SMYD3: variants seen among roughly 807,000 people sequenced by gnomAD.
The protein encoded by SMYD3 is SET and MYND domain containing 3, also known as histone-lysine N-methyltransferase SMYD3.
SMYD3 carries 36 observed loss-of-function variants against 57.7 expected under a neutral mutation model. That is an observed-to-expected ratio of 0.62 (90% CI 0.48 to 0.82). The LOEUF (loss-of-function observed/expected upper bound fraction) is 0.82, where lower values mean the gene tolerates loss of function less well. Ranked by LOEUF, SMYD3 falls within the 40% of genes least tolerant of loss-of-function variation. The probability of loss-of-function intolerance (pLI) is 0.00; values close to 1 mark genes in which losing one functional copy is unlikely to be tolerated. For synonymous variants in SMYD3, 211 were observed against 195.0 expected (o/e 1.08, Z -0.68); for missense variants, 515 against 538.8 (o/e 0.96, Z 0.44).
At chr1:246,224,015 T>C (rs2063292197) in intron 5 of SMYD3, among the ~76,000 whole-genome samples, 1 of 152,158 alleles carries the variant, frequency 6.6e-6, no homozygotes, top group Admixed American at 6.5e-5. Flanking sequence ...ATTCTTCTAT[T>C]TACAAGCATT....
chr1:246,507,130 G>A lies in SMYD3; in HGVS notation c.88C>T (p.Leu30Phe), dbSNP rs1327639808. 9.1e-6 allele frequency: 14 copies of A among 1,534,634 alleles called. 1 individual carries two copies. The Admixed American group carries it at 2.6e-4, about 29-fold the overall frequency. The change falls in exon 1 of 12, where the codon CTC (leucine) becomes TTC (phenylalanine). Residue 30 changes from leucine (L) to phenylalanine (F), a missense_variant. Coordinates refer to ENST00000490107, the MANE Select transcript of SMYD3 (RefSeq NM_001167740.2). ...AVTPLRPGEL[L>F]FRSDPLAYTV... ...TACGCCAAGGGATCCGAGCGGAAGA[G>A]TAGCTCTCCGGGGCGCAGCGGGGTC...
chr1:246,401,540 C>T (rs555651087), intron 1 of SMYD3, among the ~76,000 whole-genome samples: 6 of 151,800 alleles, frequency 4.0e-5, no homozygotes, highest in East Asian at 1.9e-4. Context: ...ACCATGTTGG[C>T]GAGGCTAGTC....
chr1:245,872,349 C>A (rs140860753), intron 8 of SMYD3, among the ~76,000 whole-genome samples: 1 of 152,252 alleles, frequency 6.6e-6, no homozygotes, highest in East Asian at 1.9e-4. Context: ...AAAGTTCCCG[C>A]CTCCTGCTGC....
At chr1:245,938,542 T>C (rs533066264) in intron 5 of SMYD3, among the ~76,000 whole-genome samples, 1 of 152,252 alleles carries the variant, frequency 6.6e-6, no homozygotes, top group African/African-American at 2.4e-5. Context: ...TCCTTTATTT[T>C]TGGAAATATA....
chr1:246,203,416 C>T lies in SMYD3; in HGVS notation c.531+123785G>A, dbSNP rs188929288. Among the ~76,000 whole-genome samples, 5 of 152,334 alleles carry T rather than the reference C, an allele frequency of 3.3e-5. No individual in the cohort carries two copies. Among genetic ancestry groups the T allele is most frequent in the African/African-American group, 1.2e-4 (5 of 41,582 alleles). ...CTAGAGCTGCCATAACAGAATACTA[C>T]AGACTGGTGGCTGAAACAACAGCAA... On this transcript the variant is annotated intron_variant, in intron 5 of 11. Transcript: ENST00000490107. This position sits in a 1 kb window ranked among gnomAD's most constrained non-coding sequence, Gnocchi z 4.6.
At chr1:246,055,002 C>T (rs1056028585) in intron 5 of SMYD3, among the ~76,000 whole-genome samples, 4 of 151,730 alleles carry the variant, frequency 2.6e-5, no homozygotes, top group South Asian at 2.1e-4. Flanking sequence ...GGTGAAATCC[C>T]GTCTCTACTA....
At chr1:245,873,860 CTGGT>C (rs2052352736) in intron 8 of SMYD3, among the ~76,000 whole-genome samples, 1 of 152,232 alleles carries the variant, frequency 6.6e-6, no homozygotes, top group South Asian at 2.1e-4. Flanking sequence ...AGGCCGGGCC[CTGGT>C]ACCAGCTCTG....
intron 3 of SMYD3, among the ~76,000 whole-genome samples, chr1:246,333,192 G>C (rs1449601639): frequency 1.3e-5 from 2 of 152,194 alleles, no homozygotes; most frequent in African/African-American, 4.8e-5. Context: ...CCGGAGTTCA[G>C]AAGATTCAGA....
chr1:245,890,769 G>A lies in SMYD3; in HGVS notation c.813+24761C>T, dbSNP rs73142729. The stretch of plus-strand genomic sequence containing the variant: ...CAGTATATCGAAGAGGTATCTGCAC[G>A]CCCATGTTTATTGCACTACTATTCA... On this transcript the variant is annotated intron_variant, in intron 8 of 11. Transcript: ENST00000490107. Among the ~76,000 whole-genome samples the A allele has an allele frequency of 8.9e-3, 1,354 of 152,264 alleles. 20 individuals are homozygous for A. Among genetic ancestry groups the A allele is most frequent in the African/African-American group, 0.03 (1,253 of 41,552 alleles).
At chr1:246,442,541 C>T (rs1241363275) in intron 1 of SMYD3, among the ~76,000 whole-genome samples, 2 of 150,986 alleles carry the variant, frequency 1.3e-5, no homozygotes, top group Non-Finnish European at 2.9e-5. Flanking sequence ...AGAGCGAAAC[C>T]CCTTCTCAAA....
At chr1:245,785,929 T>A (rs898597194) in intron 10 of SMYD3, among the ~76,000 whole-genome samples, 20 of 151,814 alleles carry the variant, frequency 1.3e-4, no homozygotes, top group Non-Finnish European at 1.2e-4. Context: ...GGTCTCAAAT[T>A]CCTGGCCTCA....
At chr1:245,855,291 A>C (rs1251920028) in intron 10 of SMYD3, among the ~76,000 whole-genome samples, 1 of 149,118 alleles carries the variant, frequency 6.7e-6, no homozygotes, top group East Asian at 1.9e-4. Context: ...CAATGTGCTC[A>C]ATTTTGTATT....
At chr1:246,046,113 T>C (rs185442386) in intron 5 of SMYD3, among the ~76,000 whole-genome samples, 2 of 152,260 alleles carry the variant, frequency 1.3e-5, no homozygotes, top group Admixed American at 1.3e-4. Flanking sequence ...GACCCAGCAA[T>C]CCCATTACTG....
chr1:245,806,713 A>G (rs2048168572), intron 10 of SMYD3, among the ~76,000 whole-genome samples: 1 of 151,734 alleles, frequency 6.6e-6, no homozygotes, highest in Admixed American at 6.6e-5. Context: ...GATGGAGACC[A>G]TCCTGGCTAA....
At chr1:245,865,936 G>A (rs1174389117) in intron 8 of SMYD3, among the ~76,000 whole-genome samples, 8 of 152,132 alleles carry the variant, frequency 5.3e-5, no homozygotes, top group African/African-American at 1.9e-4. Flanking sequence ...GACTTTCAAC[G>A]GGTGTCAGAG....
intron 1 of SMYD3, among the ~76,000 whole-genome samples, chr1:246,370,784 A>G (rs2066181239): frequency 1.3e-5 from 2 of 152,246 alleles, no homozygotes; most frequent in Admixed American, 6.5e-5. Context: ...CGTCATCTCC[A>G]CACAGGTACA....
intron 5 of SMYD3, among the ~76,000 whole-genome samples, chr1:246,214,154 A>C (rs1436873541): frequency 1.3e-5 from 2 of 152,202 alleles, no homozygotes; most frequent in African/African-American, 4.8e-5. Flanking sequence ...TGGTCTTTAC[A>C]ATGGCAAGTT....
chr1:245,916,937 C>T (rs370108780), intron 7 of SMYD3, among the ~76,000 whole-genome samples: 7 of 151,420 alleles, frequency 4.6e-5, no homozygotes, highest in African/African-American at 1.2e-4. Flanking sequence ...CAGTCCATGA[C>T]GACATGAGTC....
At chr1:246,091,521 G>A (rs1201972043) in intron 5 of SMYD3, among the ~76,000 whole-genome samples, 1 of 150,618 alleles carries the variant, frequency 6.6e-6, no homozygotes, top group East Asian at 1.9e-4. Context: ...ACTGAAGTCG[G>A]TTCTGGACTC....
Sources: allele counts gnomAD v4.1 joint callset (sites outside exome capture counted in the v4.1 genomes callset), GRCh38; gene constraint gnomAD v4.1.1; non-coding constraint Gnocchi (gnomAD v3.1); transcripts MANE v1.5; gene names NCBI Gene and HGNC (gene_info 2026-07-23, HGNC 2026-07-21).